Variants in ANGPT2 observed in about 807,000 individuals in gnomAD.
ANGPT2 encodes angiopoietin 2, also known as angiopoietin-2.
ANGPT2 carries 28 observed loss-of-function variants against 62.9 expected under a neutral mutation model. That is an observed-to-expected ratio of 0.44 (90% CI 0.33 to 0.61). ANGPT2 has a LOEUF of 0.61. ANGPT2 is among the 20% of genes least tolerant of loss of function. The pLI is 0.03. For missense variants in ANGPT2, 727 were observed against 594.9 expected (o/e 1.22, Z -2.31); for synonymous variants, 284 against 207.8 (o/e 1.37, Z -3.15).
rs180903114 is a variant in ANGPT2, at chr8:6,546,901, C to T, written c.289-14414G>A. Among the ~76,000 whole-genome samples the T allele has an allele frequency of 5.7e-4, 87 of 152,274 alleles. 2 individuals are homozygous for T. The South Asian group carries it at 0.015, about 26-fold the overall frequency. ...AGACCTTCATTAAGATGTACCCTTC[C>T]GTGTTTTCCTAACTTCTGAAATCAC... On this transcript the variant is annotated intron_variant, in intron 1 of 8. Transcript: ENST00000629816.
intron 7 of ANGPT2, 37 bp downstream of exon 7, chr8:6,513,641 T>G (rs1268744117): frequency 7.0e-6 from 11 of 1,581,872 alleles, no homozygotes; most frequent in Non-Finnish European, 9.5e-6. Context: ...CCACAAATCT[T>G]TTAATTTTTT....
chr8:6,555,518 A>G (rs1172318445), intron 1 of ANGPT2, among the ~76,000 whole-genome samples: 2 of 149,788 alleles, frequency 1.3e-5, no homozygotes, highest in African/African-American at 5.0e-5. Context: ...CTGGAGTACT[A>G]TGGTGCCATC....
At chr8:6,545,131 C>T (rs1428005438) in intron 1 of ANGPT2, among the ~76,000 whole-genome samples, 1 of 151,674 alleles carries the variant, frequency 6.6e-6, no homozygotes, top group Admixed American at 6.6e-5. Context: ...AAGAATGGAC[C>T]GAACTTACTA....
chr8:6,520,000 A>G lies in ANGPT2; in HGVS notation c.800-9T>C. Reference sequence around the variant, plus strand: ...AACAGTGGGGTCCTTAGCTGCTTTTAAAAAATAGTAAGGCATTTAAACGGA... The same window carrying G: ...AACAGTGGGGTCCTTAGCTGCTTTTGAAAAATAGTAAGGCATTTAAACGGA... On this transcript the variant is annotated splice_polypyrimidine_tract_variant and intron_variant, in intron 4 of 8. Coordinates refer to ENST00000629816, the MANE Select transcript of ANGPT2 (RefSeq NM_001118887.2). 1 of 1,612,816 alleles carries G rather than the reference A, an allele frequency of 6.2e-7. No homozygotes were observed. Among genetic ancestry groups the G allele is most frequent in the Non-Finnish European group, 8.5e-7 (1 of 1,179,438 alleles).
intron 1 of ANGPT2, among the ~76,000 whole-genome samples, chr8:6,532,921 G>A (rs569924044): frequency 1.3e-5 from 2 of 152,286 alleles, no homozygotes; most frequent in Admixed American, 6.5e-5. Context: ...TCACATTCTA[G>A]ACTTTTGGTT....
chr8:6,532,396 A>T lies in ANGPT2; in HGVS notation c.380T>A (p.Ile127Lys). ...VQNQTAVMIE[I>K]GTNLLNQTAE... ...TGTTTGGTTCAACAGGTTTGTCCCT[A>T]TTTCTATCATCACAGCCGTCTGGTT... is the stretch of plus-strand genomic sequence containing the variant. The change falls in exon 2 of 9, where the codon ATA (isoleucine) becomes AAA (lysine). Residue 127 changes from isoleucine to lysine, a missense_variant. By Grantham distance (102) the Ile-to-Lys change is moderately radical (BLOSUM62 -3). Transcript: ENST00000629816. 6.2e-7 allele frequency: 1 copy of T among 1,614,054 alleles called. No homozygotes were observed. The highest frequency in any genetic ancestry group is 2.2e-5 in the East Asian group (1 of 44,878).
rs745762047 is a variant in ANGPT2, at chr8:6,514,818, C to A, written c.928-40G>T. The A allele has an allele frequency of 1.4e-5, 22 of 1,556,048 alleles. No individual in the cohort carries two copies. The African/African-American group carries it at 2.9e-4, about 20-fold the overall frequency. Reference sequence around the variant, plus strand: ...GCAGGGTATAAGTGACAGAGCCCCCCCACTCCCCCCTTACGTAGCAGAAGC... The same window carrying A: ...GCAGGGTATAAGTGACAGAGCCCCCACACTCCCCCCTTACGTAGCAGAAGC... On this transcript the variant is annotated intron_variant, in intron 5 of 8. Coordinates refer to ENST00000629816, the MANE Select transcript of ANGPT2 (RefSeq NM_001118887.2).
intron 8 of ANGPT2, among the ~76,000 whole-genome samples, chr8:6,503,727 A>C (rs1016801354): frequency 2.4e-4 from 37 of 152,336 alleles, no homozygotes; most frequent in African/African-American, 8.9e-4. Flanking sequence ...TTAAGTACTC[A>C]GTGGAGCTAC....
rs926958402 is a variant in ANGPT2 at position 6,501,820 on chromosome 8, T to G, written c.*1281A>C. ...GATCTGCCCACCTTGCCTACCAATG[T>G]ACTGGGATTATAGGTGTGAGCCACT... On this transcript the variant is annotated 3_prime_UTR_variant, in exon 9 of 9. Transcript: ENST00000629816. The G allele has an allele frequency of 6.6e-5, 10 of 152,162 alleles. No homozygotes were observed. Among genetic ancestry groups the G allele is most frequent in the African/African-American group, 1.9e-4 (8 of 41,432 alleles). 9.4% of individuals were successfully genotyped at this position (152,162 alleles called of 1,614,324 possible).
intron 1 of ANGPT2, among the ~76,000 whole-genome samples, chr8:6,541,833 A>G (rs1368979204): frequency 6.6e-6 from 1 of 152,042 alleles, no homozygotes; most frequent in Non-Finnish European, 1.5e-5. Context: ...GCGAGACTCC[A>G]TCTCTACAGA....
chr8:6,540,793 C>T (rs1288398830), intron 1 of ANGPT2, among the ~76,000 whole-genome samples: 4 of 152,258 alleles, frequency 2.6e-5, no homozygotes, highest in Admixed American at 6.5e-5. Flanking sequence ...GGTCCCAGAG[C>T]GCAGCCATGC....
At chr8:6,511,348 A>C (rs1379358388) in intron 7 of ANGPT2, among the ~76,000 whole-genome samples, 1 of 152,124 alleles carries the variant, frequency 6.6e-6, no homozygotes, top group African/African-American at 2.4e-5. Context: ...CAGTGGAGTA[A>C]AGAGGTAACA....
intron 7 of ANGPT2, among the ~76,000 whole-genome samples, chr8:6,513,063 A>C (rs1229191013): frequency 1.3e-5 from 2 of 152,230 alleles, no homozygotes; most frequent in African/African-American, 4.8e-5. Flanking sequence ...TATCATGGGA[A>C]CACTTACTAT....
chr8:6,539,632 G>T (rs1473999643), intron 1 of ANGPT2, among the ~76,000 whole-genome samples: 1 of 152,114 alleles, frequency 6.6e-6, no homozygotes, highest in African/African-American at 2.4e-5. Context: ...TGTCTCTCAG[G>T]CTGGAGTGCA....
rs1821583268 is a variant in ANGPT2, at chr8:6,541,564, C to A, written c.289-9077G>T. On this transcript the variant is annotated intron_variant, in intron 1 of 8. Transcript: ENST00000629816. The stretch of plus-strand genomic sequence containing the variant: ...CGAATGCGGAGACGCTCGGCAGGTC[C>A]TTGGTGGCCTCTGAGTTATTCTGCA... Among the ~76,000 whole-genome samples, 3 of 152,156 alleles carry A rather than the reference C, an allele frequency of 2.0e-5. No individual in the cohort carries two copies. In the South Asian group the frequency reaches 6.2e-4, roughly 32 times the overall value.
At chr8:6,534,722 G>A (rs2442601) in intron 1 of ANGPT2, among the ~76,000 whole-genome samples, 7,625 of 152,290 alleles carry the variant, frequency 0.05, 234 homozygotes, top group Non-Finnish European at 0.064. Flanking sequence ...TTCATAAAAT[G>A]TGAAGAGTCT....
intron 1 of ANGPT2, among the ~76,000 whole-genome samples, chr8:6,558,788 G>C (rs958687066): frequency 2.0e-5 from 3 of 151,896 alleles, no homozygotes; most frequent in African/African-American, 4.8e-5. Flanking sequence ...AGTAAACAAA[G>C]ACTACTTGAC....
chr8:6,515,166 C>T (rs932624777), intron 5 of ANGPT2, among the ~76,000 whole-genome samples: 3 of 151,950 alleles, frequency 2.0e-5, no homozygotes, highest in Non-Finnish European at 2.9e-5. Flanking sequence ...TGTAGAAAAC[C>T]ATTGACTTGT....
intron 1 of ANGPT2, among the ~76,000 whole-genome samples, chr8:6,556,794 G>A (rs1434132303): frequency 6.6e-6 from 1 of 151,898 alleles, no homozygotes. Flanking sequence ...TCACTCTGTT[G>A]ACCAGGCTGG....
Sources: allele counts gnomAD v4.1 joint callset (sites outside exome capture counted in the v4.1 genomes callset), GRCh38; gene constraint gnomAD v4.1.1; transcripts MANE v1.5; gene names NCBI Gene and HGNC (gene_info 2026-07-23, HGNC 2026-07-21).